FRRS1: variants seen among roughly 807,000 people sequenced by gnomAD.
FRRS1 encodes the protein ferric chelate reductase 1.
A neutral mutation model predicts 70.7 loss-of-function variants in FRRS1; 51 were observed. The ratio of observed to expected loss-of-function variants is 0.72; its 90% CI spans 0.58 to 0.91. The LOEUF (loss-of-function observed/expected upper bound fraction) is 0.91, where lower values mean the gene tolerates loss of function less well. Among genes scored for constraint, FRRS1 ranks in the 40% least tolerant of loss-of-function variants. FRRS1 has a pLI of 0.00. For missense variants in FRRS1, 672 were observed against 726.0 expected (o/e 0.93, Z 0.86); for synonymous variants, 225 against 238.7 (o/e 0.94, Z 0.53).
chr1:99,721,621 T>G (rs2100922680), intron 9 of FRRS1, among the ~76,000 whole-genome samples: 1 of 150,734 alleles, frequency 6.6e-6, no homozygotes, highest in East Asian at 2.0e-4. Flanking sequence ...TTTCTTGAGA[T>G]GGAGTCTCAC....
intron 9 of FRRS1, among the ~76,000 whole-genome samples, chr1:99,724,383 T>G (rs377404118): frequency 2.6e-5 from 4 of 152,358 alleles, no homozygotes; most frequent in East Asian, 1.9e-4. Context: ...CCCAAGTGAT[T>G]TCTATCTTTC....
At chr1:99,719,779 G>T in intron 9 of FRRS1, 132 bp from the exon 10 acceptor site, 1 of 588,236 alleles carries the variant, frequency 1.7e-6, no homozygotes, top group Non-Finnish European at 3.0e-6. Context: ...TATCAACAGA[G>T]ATGTCATTCA....
At chr1:99,728,732 T>G in intron 8 of FRRS1, 92 bp from the exon 9 acceptor site, 1 of 1,076,026 alleles carries the variant, frequency 9.3e-7, no homozygotes, top group Non-Finnish European at 1.3e-6. Context: ...CAGTTTCCTT[T>G]CTCTAAGATC....
At chr1:99,720,244 C>A (rs1654747174) in intron 9 of FRRS1, among the ~76,000 whole-genome samples, 1 of 151,976 alleles carries the variant, frequency 6.6e-6, no homozygotes, top group East Asian at 1.9e-4. Context: ...TTATTGTGTA[C>A]AAAATTAAAT....
rs1214917772 is a variant in FRRS1 at position 99,715,625 on chromosome 1, AG to A, written c.1283del (p.Ala428ValfsTer25). ...CCCTGTATATAAACGGCATAACAAAAGCAATGCAGGTGAGGACAGTTGTGGT... is the reference window on the plus strand; with the variant it reads ...CCCTGTATATAAACGGCATAACAAAACAATGCAGGTGAGGACAGTTGTGGT... ...MFTTTVLTCI[A>X]FVMPFIYRGG... On this transcript the variant is annotated frameshift_variant, in exon 12 of 17. Coordinates refer to ENST00000646001, the MANE Select transcript of FRRS1 (RefSeq NM_001361041.2). LOFTEE classifies it high-confidence loss of function. The A allele has an allele frequency of 6.2e-7, 1 of 1,613,394 alleles. No individual in the cohort carries two copies. The highest frequency in any genetic ancestry group is 1.3e-5 in the African/African-American group (1 of 75,042).
chr1:99,746,301 G>A (rs1196968271), intron 4 of FRRS1, among the ~76,000 whole-genome samples: 1 of 152,152 alleles, frequency 6.6e-6, no homozygotes, highest in Non-Finnish European at 1.5e-5. Flanking sequence ...CGCTATGGAA[G>A]AGAACTCTGA....
chr1:99,736,608 G>A (rs1241848531), intron 7 of FRRS1, among the ~76,000 whole-genome samples: 1 of 111,108 alleles, frequency 9.0e-6, no homozygotes, highest in African/African-American at 6.2e-5. Context: ...ATCACACTCC[G>A]GGGACTGTTG....
rs902815721 is a variant in FRRS1 at position 99,764,552 on chromosome 1, C to A, written c.-106+2055G>T. On this transcript the variant is annotated intron_variant, in intron 1 of 16. Coordinates refer to ENST00000646001, the MANE Select transcript of FRRS1 (RefSeq NM_001361041.2). ...TTTTGTTTGTTTTGATAAAGAAGACCTTCACCCCTCTTTCAAGATCCATTT... is the reference window on the plus strand; with the variant it reads ...TTTTGTTTGTTTTGATAAAGAAGACATTCACCCCTCTTTCAAGATCCATTT... Among the ~76,000 whole-genome samples, 51 of 152,122 alleles carry A rather than the reference C, an allele frequency of 3.4e-4. 2 individuals carry two copies. Among genetic ancestry groups the A allele is most frequent in the Admixed American group, 3.1e-3 (48 of 15,290 alleles).
chr1:99,712,909 T>C (rs1445603735), intron 12 of FRRS1, among the ~76,000 whole-genome samples: 1 of 138,112 alleles, frequency 7.2e-6, no homozygotes, highest in Non-Finnish European at 1.5e-5. Context: ...GTTTTTGCAG[T>C]TTTTTTTCAA....
chr1:99,757,497 G>A lies in FRRS1; in HGVS notation c.-105-8496C>T, dbSNP rs75470782. ...CTTATTCTCACTTCATTCCATTTGT[G>A]AGCCTGAACAAAAAGTATAAATATG... is the stretch of plus-strand genomic sequence containing the variant. On this transcript the variant is annotated intron_variant, in intron 1 of 16. Coordinates refer to ENST00000646001, the MANE Select transcript of FRRS1 (RefSeq NM_001361041.2). Among the ~76,000 whole-genome samples, 716 of 152,242 alleles carry A rather than the reference G, an allele frequency of 4.7e-3. 7 individuals are homozygous for A. Among genetic ancestry groups the A allele is most frequent in the African/African-American group, 0.016 (683 of 41,562 alleles).
intron 1 of FRRS1, among the ~76,000 whole-genome samples, 175 bp downstream of exon 1, chr1:99,766,432 A>G (rs1657355200): frequency 6.6e-6 from 1 of 152,152 alleles, no homozygotes; most frequent in South Asian, 2.1e-4. Context: ...GTTAGTGAAC[A>G]CTCATTAGCT....
chr1:99,728,593 C>T lies in FRRS1; in HGVS notation c.906G>A (p.Gln302=). The change falls in exon 9 of 17, where the codon CAG becomes CAA. Residue 302 remains glutamine (Q), a synonymous_variant. Coordinates refer to ENST00000646001, the MANE Select transcript of FRRS1 (RefSeq NM_001361041.2). ...GGGTAATGTTTCTTCTGAAAGAACACTGCATAACACCGTCCGCCAACCTCC... is the reference window on the plus strand; with the variant it reads ...GGGTAATGTTTCTTCTGAAAGAACATTGCATAACACCGTCCGCCAACCTCC... The part of the protein sequence containing the change: ...MAWRLADGVM[Q]CSFRRNITLP... The T allele has an allele frequency of 6.2e-7, 1 of 1,613,974 alleles. No individual in the cohort carries two copies. The highest frequency in any genetic ancestry group is 8.5e-7 in the Non-Finnish European group (1 of 1,179,878).
In FRRS1 at chr1:99,748,604, C is replaced by G; in HGVS notation, c.165G>C (p.Gln55His). The G allele has an allele frequency of 4.3e-6, 7 of 1,614,070 alleles. No homozygotes were observed. Among genetic ancestry groups the G allele is most frequent in the Non-Finnish European group, 5.9e-6 (7 of 1,179,936 alleles). ...TCTGATCTCCTGGCCTGAATGTCAT[C>G]TGACTCACGTAAATGTCATGAACAG... ...SVPVHDIYVSQMTFRPGDQIE... is the reference protein window; with the variant it reads ...SVPVHDIYVSHMTFRPGDQIE... The change falls in exon 3 of 17, where the codon CAG (glutamine) becomes CAC (histidine). Residue 55 changes from glutamine (Q) to histidine (H), a missense_variant. By Grantham distance (24) the Gln-to-His change is conservative. Coordinates refer to ENST00000646001, the MANE Select transcript of FRRS1 (RefSeq NM_001361041.2).
At position 99,710,311 on chromosome 1, in the gene FRRS1, A is replaced by G. The variant is rs1163360390; in HGVS notation, c.1624+495T>C. On this transcript the variant is annotated intron_variant, in intron 15 of 16. Coordinates refer to ENST00000646001, the MANE Select transcript of FRRS1 (RefSeq NM_001361041.2). ...CCTGACCCTGCCTGGCACCAAAACA[A>G]ACCTTGTCACTAAAGAGCAAAAGCA... 3.3e-5 allele frequency among the ~76,000 whole-genome samples: 5 copies of G among 152,100 alleles called. No homozygotes were observed. In the South Asian group the frequency reaches 8.3e-4, roughly 25 times the overall value.
intron 1 of FRRS1, among the ~76,000 whole-genome samples, chr1:99,766,252 T>TA (rs931931185): frequency 2.0e-5 from 3 of 151,154 alleles, no homozygotes; most frequent in Non-Finnish European, 4.4e-5. Context: ...GCTTTAAATA[T>TA]AAAAAAAGAG....
chr1:99,728,414 A>G (rs1571115790), intron 9 of FRRS1, 79 bp downstream of exon 9: 1 of 1,202,960 alleles, frequency 8.3e-7, no homozygotes, highest in Non-Finnish European at 1.2e-6. Flanking sequence ...CAATTACAGT[A>G]GTTTTTCCAA....
In FRRS1 at chr1:99,766,629, A is replaced by G. The variant is rs1657366876; in HGVS notation, c.-128T>C. Reference sequence around the variant, plus strand: ...TACCTTGAGAAGCGAAGGCAGCCTAACCAACTTCCGGTTTTGTTACAACTT... The same window carrying G: ...TACCTTGAGAAGCGAAGGCAGCCTAGCCAACTTCCGGTTTTGTTACAACTT... On this transcript the variant is annotated 5_prime_UTR_variant, in exon 1 of 17. Coordinates refer to ENST00000646001, the MANE Select transcript of FRRS1 (RefSeq NM_001361041.2). The G allele has an allele frequency of 6.6e-6, 1 of 152,202 alleles. No individual in the cohort carries two copies. Among genetic ancestry groups the G allele is most frequent in the African/African-American group, 2.4e-5 (1 of 41,446 alleles). 9.4% of individuals were successfully genotyped at this position (152,202 alleles called of 1,614,324 possible). A position where few individuals can be genotyped will look rare whatever the true frequency, so the allele number is the denominator to read the frequency against.
chr1:99,719,492 C>T (rs1483120130), intron 10 of FRRS1, 42 bp downstream of exon 10: 1 of 972,306 alleles, frequency 1.0e-6, no homozygotes, highest in Non-Finnish European at 1.7e-6. Flanking sequence ...ACTGAGTCAG[C>T]AGGTAAGTTG....
intron 1 of FRRS1, among the ~76,000 whole-genome samples, chr1:99,749,638 T>C (rs1656472554): frequency 6.6e-6 from 1 of 152,204 alleles, no homozygotes; most frequent in South Asian, 2.1e-4. Context: ...GTAGAGATAA[T>C]AATTCTACTA....
Sources: allele counts gnomAD v4.1 joint callset (sites outside exome capture counted in the v4.1 genomes callset), GRCh38; gene constraint gnomAD v4.1.1; transcripts MANE v1.5; gene names NCBI Gene and HGNC (gene_info 2026-07-23, HGNC 2026-07-21).